Variants in MAP3K5 observed in about 807,000 individuals in gnomAD.
The protein encoded by MAP3K5 is mitogen-activated protein kinase kinase kinase 5.
Under a neutral mutation model 158.7 loss-of-function variants are expected in MAP3K5, and 56 were observed. The observed-to-expected ratio is 0.35, with a 90% CI of 0.28 to 0.44. The LOEUF (loss-of-function observed/expected upper bound fraction) is 0.44. Among genes scored for constraint, MAP3K5 ranks in the 20% least tolerant of loss-of-function variants. The pLI is 1.00. For synonymous variants in MAP3K5, 579 were observed against 601.7 expected (o/e 0.96, Z 0.55); for missense variants, 1,294 against 1,674.8 (o/e 0.77, Z 3.97).
At chr6:136,573,273 C>T (rs930701675) in intron 25 of MAP3K5, among the ~76,000 whole-genome samples, 2 of 152,174 alleles carry the variant, frequency 1.3e-5, no homozygotes, top group African/African-American at 4.8e-5. Flanking sequence ...CCACCTTCTC[C>T]CGCTCTTGGA....
chr6:136,782,257 G>C (rs1407372608), intron 1 of MAP3K5, among the ~76,000 whole-genome samples: 1 of 149,240 alleles, frequency 6.7e-6, no homozygotes, highest in Non-Finnish European at 1.5e-5. Context: ...TCCAGCCTGG[G>C]AGAGAGAGTG....
Position 136,651,107 on chromosome 6 carries a change from CA to C in MAP3K5, c.1681-17del, listed in dbSNP as rs1489714122. On this transcript the variant is annotated splice_polypyrimidine_tract_variant and intron_variant, in intron 10 of 29. Coordinates refer to ENST00000359015, the MANE Select transcript of MAP3K5 (RefSeq NM_005923.4). ...ATATTAATACCTTGAAAAGATACGG[CA>C]AAGAAACTAATATCAGTGACTTAAG... 1 of 1,369,860 alleles carries C rather than the reference CA, an allele frequency of 7.3e-7. No homozygotes were observed. The highest frequency in any genetic ancestry group is 1.4e-5 in the African/African-American group (1 of 70,194). 84.9% of individuals were successfully genotyped at this position (1,369,860 alleles called of 1,614,324 possible).
intron 15 of MAP3K5, among the ~76,000 whole-genome samples, chr6:136,619,311 A>G (rs1395250689): frequency 6.6e-6 from 1 of 152,204 alleles, no homozygotes; most frequent in Admixed American, 6.5e-5. Flanking sequence ...CCACAGAGGA[A>G]GCAGATCACC....
intron 2 of MAP3K5, among the ~76,000 whole-genome samples, chr6:136,715,251 A>C (rs1781470621): frequency 6.6e-6 from 1 of 152,248 alleles, no homozygotes; most frequent in African/African-American, 2.4e-5. Flanking sequence ...CAGCCAGAAC[A>C]TAGAAAAAAG....
rs1459345603 is a variant in MAP3K5, at chr6:136,558,652, T to C, written c.4064+148A>G. ...GCCCTCAAAAATATCATTGTCCAACTAACTCAGTTTACTCAGAGCAGCTAA... is the reference window on the plus strand; with the variant it reads ...GCCCTCAAAAATATCATTGTCCAACCAACTCAGTTTACTCAGAGCAGCTAA... On this transcript the variant is annotated intron_variant, in intron 29 of 29. Transcript: ENST00000359015. 3 of 498,172 alleles carry C rather than the reference T, an allele frequency of 6.0e-6. No individual in the cohort carries two copies. The East Asian group carries it at 9.2e-5, about 15-fold the overall frequency. 30.9% of individuals were successfully genotyped at this position (498,172 alleles called of 1,614,324 possible). A position where few individuals can be genotyped will look rare whatever the true frequency, so the allele number is the denominator to read the frequency against.
intron 1 of MAP3K5, among the ~76,000 whole-genome samples, chr6:136,731,699 A>T (rs1782231396): frequency 6.6e-6 from 1 of 152,222 alleles, no homozygotes; most frequent in Non-Finnish European, 1.5e-5. Context: ...AGGATTATAA[A>T]GAAGCTGCAT....
chr6:136,732,483 C>T (rs1782271235), intron 1 of MAP3K5, among the ~76,000 whole-genome samples: 1 of 151,990 alleles, frequency 6.6e-6, no homozygotes, highest in South Asian at 2.1e-4. Flanking sequence ...TAATTAATGG[C>T]AAAGACAAGG....
intron 1 of MAP3K5, among the ~76,000 whole-genome samples, chr6:136,779,559 A>G (rs1481400568): frequency 6.6e-6 from 1 of 152,088 alleles, no homozygotes; most frequent in African/African-American, 2.4e-5. Flanking sequence ...GCTTTAATTT[A>G]TAAGACCAAA....
At chr6:136,684,400 A>C (rs1000527473) in intron 7 of MAP3K5, among the ~76,000 whole-genome samples, 39 of 152,114 alleles carry the variant, frequency 2.6e-4, no homozygotes, top group Non-Finnish European at 3.5e-4. Flanking sequence ...AAATTTTCTA[A>C]ATAAGTCATA....
At chr6:136,691,980 A>G (rs114970577) in intron 7 of MAP3K5, among the ~76,000 whole-genome samples, 2,294 of 151,968 alleles carry the variant, frequency 0.015, 52 homozygotes, top group African/African-American at 0.053. Flanking sequence ...CTATGGGTTT[A>G]TTTCTATGAA....
chr6:136,588,044 G>T (rs1488847614), intron 23 of MAP3K5, among the ~76,000 whole-genome samples: 1 of 152,076 alleles, frequency 6.6e-6, no homozygotes, highest in East Asian at 1.9e-4. Context: ...ATTCTTTGGG[G>T]GTAATTAGAG....
chr6:136,778,882 G>C (rs62422136), intron 1 of MAP3K5, among the ~76,000 whole-genome samples: 2 of 152,180 alleles, frequency 1.3e-5, no homozygotes, highest in Non-Finnish European at 2.9e-5. Flanking sequence ...TAAATAGGCC[G>C]GGTGCAGTGG....
chr6:136,714,113 A>T (rs1378044706), intron 2 of MAP3K5, among the ~76,000 whole-genome samples: 1 of 152,208 alleles, frequency 6.6e-6, no homozygotes, highest in Admixed American at 6.5e-5. Flanking sequence ...ATTTACTTTG[A>T]TAAGGGAGGC....
At chr6:136,659,191 G>GT (rs1778897423) in intron 9 of MAP3K5, 28 bp downstream of exon 9, 2 of 1,572,064 alleles carry the variant, frequency 1.3e-6, no homozygotes, top group South Asian at 2.2e-5. Context: ...TTTATTAATT[G>GT]TATCAACATA....
intron 1 of MAP3K5, among the ~76,000 whole-genome samples, chr6:136,774,678 T>TAAGCAGAAA (rs1316896086): frequency 2.6e-5 from 4 of 152,278 alleles, no homozygotes; most frequent in South Asian, 4.1e-4. Context: ...AACTCACACT[T>TAAGCAGAAA]AAGCAGAAAA....
Position 136,613,039 on chromosome 6 carries a change from A to C in MAP3K5, c.2415+81T>G. 1.5e-6 allele frequency: 2 copies of C among 1,326,152 alleles called. No individual in the cohort carries two copies. Among genetic ancestry groups the C allele is most frequent in the Middle Eastern group, 4.3e-4 (2 of 4,700 alleles). 82.1% of individuals were successfully genotyped at this position (1,326,152 alleles called of 1,614,324 possible). ...TATTCACCATTCTAAATTAATACTC[A>C]TAACACAATATGACTTTTGCAAGTA... is the stretch of plus-strand genomic sequence containing the variant. On this transcript the variant is annotated intron_variant, in intron 17 of 29. Transcript: ENST00000359015. This position sits in a 1 kb window ranked among gnomAD's most constrained non-coding sequence, Gnocchi z 4.0.
chr6:136,610,734 T>C (rs561889100), intron 18 of MAP3K5, among the ~76,000 whole-genome samples: 69 of 147,648 alleles, frequency 4.7e-4, no homozygotes, highest in Non-Finnish European at 8.5e-4. Flanking sequence ...AGCAGGAGAC[T>C]AACTAAGCAA....
intron 10 of MAP3K5, among the ~76,000 whole-genome samples, chr6:136,653,345 A>G: frequency 6.6e-6 from 1 of 152,242 alleles, no homozygotes; most frequent in Admixed American, 6.5e-5. Context: ...TGAATACAGT[A>G]TTGAGATAAA....
chr6:136,680,280 T>C (rs1226142041), intron 7 of MAP3K5, among the ~76,000 whole-genome samples: 2 of 152,198 alleles, frequency 1.3e-5, no homozygotes, highest in Non-Finnish European at 2.9e-5. Flanking sequence ...TGCATAACAA[T>C]ATGAATGTAC....
Sources: gnomAD v4.1 joint callset for allele counts (sites outside exome capture counted in the v4.1 genomes callset) on GRCh38, gnomAD v4.1.1 for gene constraint, Gnocchi (gnomAD v3.1) non-coding constraint, MANE v1.5 for transcripts, NCBI Gene and HGNC (gene_info 2026-07-23, HGNC 2026-07-21) for gene names.